Variants in CARMIL3 observed in about 807,000 individuals in gnomAD.
The protein encoded by CARMIL3 is capping protein, Arp2/3 and myosin-I linker protein 3.
In CARMIL3, 88 loss-of-function variants were observed where a neutral mutation model predicts 180.8. The observed-to-expected ratio is 0.49, with a 90% CI of 0.41 to 0.58. The LOEUF (loss-of-function observed/expected upper bound fraction) is 0.58, where lower values mean the gene tolerates loss of function less well. Ranked by LOEUF, CARMIL3 falls within the 20% of genes least tolerant of loss-of-function variation. The probability of loss-of-function intolerance (pLI) is 0.00; values close to 1 mark genes in which losing one functional copy is unlikely to be tolerated. For synonymous variants in CARMIL3, 696 were observed against 714.5 expected (o/e 0.97, Z 0.41); for missense variants, 1,548 against 1,787.0 (o/e 0.87, Z 2.41).
Position 24,063,413 on chromosome 14 carries a change from AGCTAGTG to A in CARMIL3, c.2863_2869del (p.Ser955ProfsTer15). The A allele has an allele frequency of 6.2e-7, 1 of 1,613,884 alleles. No homozygotes were observed. The highest frequency in any genetic ancestry group is 8.5e-7 in the Non-Finnish European group (1 of 1,179,980). ...CAGGACTTGGGGGCAGCCAGCCCAC[AGCTAGTG>A]GCTCCTGGGAAGGTCTATCTGAGCT... On this transcript the variant is annotated frameshift_variant, in exon 31 of 40. Coordinates refer to ENST00000342740, the MANE Select transcript of CARMIL3 (RefSeq NM_138360.4). LOFTEE classifies it high-confidence loss of function.
At position 24,065,267 on chromosome 14, in the gene CARMIL3, G is replaced by A. The variant is rs143192289; in HGVS notation, c.3390G>A (p.Arg1130=). ...GGGGCCGGGGACCTTCCTTCCGCCGGAAGATGGTAAGTGAGGCAGGGGGTG... is the reference window on the plus strand; with the variant it reads ...GGGGCCGGGGACCTTCCTTCCGCCGAAAGATGGTAAGTGAGGCAGGGGGTG... ...FGGGRGPSFR[R]KMGTEGSEPG... Residue 1130 remains arginine, a synonymous_variant, in exon 33 of 40, where the codon CGG becomes CGA. Coordinates refer to ENST00000342740, the MANE Select transcript of CARMIL3 (RefSeq NM_138360.4). 5 of 1,532,726 alleles carry A rather than the reference G, an allele frequency of 3.3e-6. No homozygotes were observed. Among genetic ancestry groups the A allele is most frequent in the Non-Finnish European group, 4.4e-6 (5 of 1,148,076 alleles). 94.9% of individuals were successfully genotyped at this position (1,532,726 alleles called of 1,614,324 possible).
intron 36 of CARMIL3, among the ~76,000 whole-genome samples, chr14:24,068,321 C>T (rs775103369): frequency 2.0e-5 from 3 of 150,688 alleles, no homozygotes; most frequent in Non-Finnish European, 4.4e-5. Flanking sequence ...CGCTCAAACC[C>T]GAGAGGTGGA....
Position 24,052,274 on chromosome 14 carries a change from AG to A in CARMIL3, c.40+82del, listed in dbSNP as rs542263958. 5.1e-4 allele frequency: 726 copies of A among 1,418,114 alleles called. 12 individuals are homozygous for A. In the South Asian group the frequency reaches 9.0e-3, roughly 18 times the overall value. The allele number at this position is 1,418,114 out of a possible 1,614,324, so 87.8% of individuals were successfully genotyped here. A position where few individuals can be genotyped will look rare whatever the true frequency, so the allele number is the denominator to read the frequency against. ...CGCGTTCCTCCCCGTGGTGCATCCC[AG>A]CCCGGTGTCTCACACCCCTCACCCC... On this transcript the variant is annotated intron_variant, in intron 1 of 39. Coordinates refer to ENST00000342740, the MANE Select transcript of CARMIL3 (RefSeq NM_138360.4).
intron 24 of CARMIL3, among the ~76,000 whole-genome samples, 172 bp from the exon 25 acceptor site, chr14:24,060,456 C>G (rs1158000946): frequency 6.6e-6 from 1 of 152,208 alleles, no homozygotes; most frequent in African/African-American, 2.4e-5. Flanking sequence ...GTGCACAGGA[C>G]TCTGGGAGCT....
Position 24,056,656 on chromosome 14 carries a change from C to G in CARMIL3, c.900C>G (p.Phe300Leu). The G allele has an allele frequency of 6.2e-7, 1 of 1,613,862 alleles. No homozygotes were observed. Among genetic ancestry groups the G allele is most frequent in the Non-Finnish European group, 8.5e-7 (1 of 1,180,024 alleles). ...GTCTGAGCCAGCAGCTCCTCTGCTTCCCCTCTGGCCTCACCAAACTGTGCC... is the reference window on the plus strand; with the variant it reads ...GTCTGAGCCAGCAGCTCCTCTGCTTGCCCTCTGGCCTCACCAAACTGTGCC... ...FLSLSQQLLC[F>L]PSGLTKLCLA... Residue 300 changes from phenylalanine (F) to leucine (L), a missense_variant, in exon 12 of 40, where the codon TTC becomes TTG. Physicochemically the swap from Phe to Leu is conservative, Grantham distance 22. Coordinates refer to ENST00000342740, the MANE Select transcript of CARMIL3 (RefSeq NM_138360.4).
In CARMIL3 at chr14:24,069,564, G is replaced by C. The variant is rs990333573; in HGVS notation, c.*160G>C. 3.0e-5 allele frequency: 26 copies of C among 855,702 alleles called. No individual in the cohort carries two copies. The highest frequency in any genetic ancestry group is 4.7e-5 in the Non-Finnish European group (26 of 558,926). The allele number at this position is 855,702 out of a possible 1,614,324, so 53.0% of individuals were successfully genotyped here. ...AGCTGGAGGCAGGGACTAGAACAGA[G>C]GGAGCCACCTGGAGAGACGGAGGCT... On this transcript the variant is annotated 3_prime_UTR_variant, in exon 40 of 40. Transcript: ENST00000342740.
At chr14:24,066,014 G>GGT (rs34825354) in intron 34 of CARMIL3, among the ~76,000 whole-genome samples, 46,854 of 151,872 alleles carry the variant, frequency 0.31, 7,318 homozygotes, top group East Asian at 0.48. Flanking sequence ...CCCAAACAAT[G>GGT]GTGACTTGAT....
rs540154707 is a variant in CARMIL3 at position 24,069,635 on chromosome 14, G to A, written c.*231G>A. On this transcript the variant is annotated 3_prime_UTR_variant, in exon 40 of 40. Transcript: ENST00000342740. ...CTCTCTCTGCAGAGAGCTTCTGGGTGGGGGCTTATCTCCTCCCCCAGGAGG... is the reference window on the plus strand; with the variant it reads ...CTCTCTCTGCAGAGAGCTTCTGGGTAGGGGCTTATCTCCTCCCCCAGGAGG... 9 of 587,408 alleles carry A rather than the reference G, an allele frequency of 1.5e-5. No individual in the cohort carries two copies. The highest frequency in any genetic ancestry group is 1.5e-4 in the Admixed American group (5 of 32,860). 36.4% of individuals were successfully genotyped at this position (587,408 alleles called of 1,614,324 possible).
At position 24,061,579 on chromosome 14, in the gene CARMIL3, T is replaced by A; in HGVS notation, c.2387T>A (p.Leu796Gln). Residue 796 changes from leucine to glutamine, a missense_variant, in exon 27 of 40, where the codon CTG becomes CAG. By Grantham distance (113) the Leu-to-Gln change is moderately radical. This residue lies in a region of CARMIL3 where 297 missense variants were observed against 415.9 expected (regional missense o/e 0.71). Coordinates refer to ENST00000342740, the MANE Select transcript of CARMIL3 (RefSeq NM_138360.4). The surrounding 1 kb of genome is among the most constrained non-coding windows in gnomAD (Gnocchi z 4.1). ...GTGGCCGAGGGACACAACAAGATGCTGAGCAATGTGGCGGAGCGTGTCACT... is the reference window on the plus strand; with the variant it reads ...GTGGCCGAGGGACACAACAAGATGCAGAGCAATGTGGCGGAGCGTGTCACT... The part of the protein sequence containing the change: ...MRVAEGHNKM[L>Q]SNVAERVTVP... The A allele has an allele frequency of 6.2e-7, 1 of 1,614,040 alleles. No individual in the cohort carries two copies. The highest frequency in any genetic ancestry group is 8.5e-7 in the Non-Finnish European group (1 of 1,180,018).
chr14:24,059,433 C>G lies in CARMIL3; in HGVS notation c.1790C>G (p.Ser597Cys). The change falls in exon 21 of 40, where the codon TCC becomes TGC. Residue 597 changes from serine (S) to cysteine (C), a missense_variant. Around this residue, in one of 4 missense-constraint regions of CARMIL3, gnomAD observed 297 missense variants for 415.9 expected, o/e 0.71. Transcript: ENST00000342740. This position sits in a 1 kb window ranked among gnomAD's most constrained non-coding sequence, Gnocchi z 6.3. ...KMLSKALQIN[S>C]SLRTILWDRN... is the part of the protein sequence containing the mutation. ...CTGTCTAAGGCCCTGCAGATAAACTCCTCCCTCAGGTGGGGCCCACACCGG... is the reference window on the plus strand; with the variant it reads ...CTGTCTAAGGCCCTGCAGATAAACTGCTCCCTCAGGTGGGGCCCACACCGG... The G allele has an allele frequency of 6.4e-7, 1 of 1,573,730 alleles. No homozygotes were observed. The highest frequency in any genetic ancestry group is 8.6e-7 in the Non-Finnish European group (1 of 1,159,592).
intron 1 of CARMIL3, among the ~76,000 whole-genome samples, chr14:24,053,266 A>C (rs2035637182): frequency 6.6e-6 from 1 of 151,732 alleles, no homozygotes; most frequent in South Asian, 2.1e-4. Context: ...AGGCATGCAC[A>C]CTCTCATAGT....
rs755143899 is a variant in CARMIL3 at position 24,061,653 on chromosome 14, G to C, written c.2461G>C (p.Asp821His). The change falls in exon 27 of 40, where the codon GAC becomes CAC. Residue 821 changes from aspartate to histidine, a missense_variant. By Grantham distance (81) the Asp-to-His change is moderately conservative. Around this residue, in one of 4 missense-constraint regions of CARMIL3, gnomAD observed 297 missense variants for 415.9 expected, o/e 0.71. Transcript: ENST00000342740. The surrounding 1 kb of genome is among the most constrained non-coding windows in gnomAD (Gnocchi z 4.1). ...RGALLEQAGQ[D>H]IQNKLDEVKL... ...GGCACTGCTGGAGCAAGCAGGACAG[G>C]ACATTCAGAACAAGCTGGAGTGAGA... is the stretch of plus-strand genomic sequence containing the variant. The C allele has an allele frequency of 6.8e-6, 11 of 1,613,562 alleles. No individual in the cohort carries two copies. In the African/African-American group the frequency reaches 1.5e-4, roughly 22 times the overall value.
At position 24,057,237 on chromosome 14, in the gene CARMIL3, T is replaced by G. The variant is rs772744889; in HGVS notation, c.1133T>G (p.Ile378Ser). ...HLDLSGTDCV[I>S]DLLLGALLHG... ...GACCTGTCAGGAACTGACTGCGTCA[T>G]CGACTTGGTGAGGAGTTGGTGATGG... Residue 378 changes from isoleucine to serine, a missense_variant, in exon 14 of 40, where the codon ATC (isoleucine) becomes AGC (serine). Ile to Ser is a moderately radical substitution (Grantham distance 142). This residue lies in a region of CARMIL3 where 578 missense variants were observed against 666.5 expected (regional missense o/e 0.87). Transcript: ENST00000342740. The G allele has an allele frequency of 1.2e-6, 2 of 1,613,872 alleles. No homozygotes were observed. The highest frequency in any genetic ancestry group is 8.5e-7 in the Non-Finnish European group (1 of 1,179,868).
Position 24,065,253 on chromosome 14 carries a change from C to T in CARMIL3, c.3376C>T (p.Pro1126Ser). ...CCCTGGATTTGGTGGGGGCCGGGGACCTTCCTTCCGCCGGAAGATGGTAAG... is the reference window on the plus strand; with the variant it reads ...CCCTGGATTTGGTGGGGGCCGGGGATCTTCCTTCCGCCGGAAGATGGTAAG... ...LLPGFGGGRG[P>S]SFRRKMGTEG... Residue 1126 changes from proline (P) to serine (S), a missense_variant, in exon 33 of 40, where the codon CCT (proline) becomes TCT (serine). Pro to Ser is a moderately conservative substitution (Grantham distance 74). Around this residue, in one of 4 missense-constraint regions of CARMIL3, gnomAD observed 668 missense variants for 687.8 expected, o/e 0.97. Transcript: ENST00000342740. 1 of 1,540,920 alleles carries T rather than the reference C, an allele frequency of 6.5e-7. No individual in the cohort carries two copies. The highest frequency in any genetic ancestry group is 8.7e-7 in the Non-Finnish European group (1 of 1,151,844).
rs1176012813 is a variant in CARMIL3, at chr14:24,055,629, G to A, written c.681+11G>A. 1.9e-6 allele frequency: 3 copies of A among 1,614,142 alleles called. No individual in the cohort carries two copies. The highest frequency in any genetic ancestry group is 2.2e-5 in the South Asian group (2 of 91,084). On this transcript the variant is annotated intron_variant, in intron 9 of 39. Transcript: ENST00000342740. ...AAGGACTTGCGGCTGGTAGGAACTG[G>A]GAGGGGCTGGTGAGGTGGGAGAAGT...
rs539681908 is a variant in CARMIL3, at chr14:24,054,992, T to C, written c.461-74T>C. ...AGAGCACTGGCACATAAAGTGACCT[T>C]GACTGTTCTTGAACCCCAAGCCTAT... is the stretch of plus-strand genomic sequence containing the variant. On this transcript the variant is annotated intron_variant, in intron 6 of 39. Transcript: ENST00000342740. This position sits in a 1 kb window ranked among gnomAD's most constrained non-coding sequence, Gnocchi z 5.1. 5 of 1,530,906 alleles carry C rather than the reference T, an allele frequency of 3.3e-6. No individual in the cohort carries two copies. The highest frequency in any genetic ancestry group is 1.7e-5 in the Admixed American group (1 of 59,356). 94.8% of individuals were successfully genotyped at this position (1,530,906 alleles called of 1,614,324 possible).
At position 24,063,528 on chromosome 14, in the gene CARMIL3, C is replaced by A; in HGVS notation, c.2974C>A (p.Pro992Thr). ...PRTTPPGPGR[P>T]SMPAPGTRQE... ...GACCACACCTCCAGGACCTGGTCGA[C>A]CCAGTGTGAGTCCCTAAGGCTTCAC... is the stretch of plus-strand genomic sequence containing the variant. Residue 992 changes from proline to threonine, a missense_variant, in exon 31 of 40, where the codon CCC (proline) becomes ACC (threonine). Coordinates refer to ENST00000342740, the MANE Select transcript of CARMIL3 (RefSeq NM_138360.4). 6.2e-7 allele frequency: 1 copy of A among 1,609,508 alleles called. No individual in the cohort carries two copies. Among genetic ancestry groups the A allele is most frequent in the Non-Finnish European group, 8.5e-7 (1 of 1,178,732 alleles).
Position 24,052,151 on chromosome 14 carries a change from G to T in CARMIL3, c.-3G>T, listed in dbSNP as rs776349287. 3.2e-6 allele frequency: 5 copies of T among 1,582,228 alleles called. No homozygotes were observed. The South Asian group carries it at 4.6e-5, about 15-fold the overall frequency. On this transcript the variant is annotated 5_prime_UTR_variant, in exon 1 of 40. Transcript: ENST00000342740. ...TGCAGCAGCCTCAGCAGCAGCGGCC[G>T]CCATGGCCAAGCCCAGCGTGGAGCT...
Position 24,060,721 on chromosome 14 carries a change from C to T in CARMIL3, c.2155C>T (p.Arg719Trp), listed in dbSNP as rs762723578. 1.6e-5 allele frequency: 26 copies of T among 1,614,000 alleles called. No individual in the cohort carries two copies. The highest frequency in any genetic ancestry group is 7.7e-5 in the South Asian group (7 of 91,050). The change falls in exon 25 of 40, where the codon CGG becomes TGG. Residue 719 changes from arginine (R) to tryptophan (W), a missense_variant. Arg to Trp is a moderately radical substitution (Grantham distance 101, BLOSUM62 -3). Transcript: ENST00000342740. ...TGTGCAGGATGAGCTACTCTACGCT[C>T]GGGACCTCATCAAAGATGCCAAGAA... ...EPVQDELLYA[R>W]DLIKDAKNSR...
Sources: gnomAD v4.1 joint callset for allele counts (sites outside exome capture counted in the v4.1 genomes callset) on GRCh38, gnomAD v4.1.1 for gene constraint, gnomAD v4.1.1 regional missense constraint, Gnocchi (gnomAD v3.1) non-coding constraint, MANE v1.5 for transcripts, NCBI Gene and HGNC (gene_info 2026-07-23, HGNC 2026-07-21) for gene names.